The following NELL1 variants were observed in gnomAD, a reference collection of about 807,000 sequenced individuals.
NELL1 encodes neural EGFL like 1.
Under a neutral mutation model 107.4 loss-of-function variants are expected in NELL1, and 76 were observed. The ratio of observed to expected loss-of-function variants is 0.71; its 90% confidence interval spans 0.59 to 0.86. The LOEUF (loss-of-function observed/expected upper bound fraction) is 0.86, where lower values mean the gene tolerates loss of function less well. Ranked by LOEUF, NELL1 falls within the 40% of genes least tolerant of loss-of-function variation. NELL1 has a pLI of 0.00. For missense variants in NELL1, 1,024 were observed against 1,005.5 expected, an observed-to-expected ratio of 1.02 and a Z score of -0.25; for synonymous variants, 353 against 341.2, an observed-to-expected ratio of 1.03 and a Z score of -0.38.
At chr11:21,363,087 C>T (rs1437791626) in intron 14 of NELL1, among the ~76,000 whole-genome samples, 1 of 152,170 alleles carries the variant, frequency 6.6e-6, no homozygotes, top group Admixed American at 6.5e-5. Context: ...TCTACAGATG[C>T]TCCCACATCC....
chr11:21,185,441 C>T (rs1856914842), intron 13 of NELL1, among the ~76,000 whole-genome samples: 1 of 151,188 alleles, frequency 6.6e-6, no homozygotes, highest in Non-Finnish European at 1.5e-5. Flanking sequence ...ATTACAGGTG[C>T]CCGCCACCAC....
intron 13 of NELL1, among the ~76,000 whole-genome samples, chr11:21,205,402 G>C (rs1017442466): frequency 6.6e-6 from 1 of 152,190 alleles, no homozygotes; most frequent in African/African-American, 2.4e-5. Context: ...CTGCGGCTTT[G>C]TTTACACCGT....
chr11:21,336,041 A>G (rs1341481250), intron 14 of NELL1, among the ~76,000 whole-genome samples: 2 of 152,146 alleles, frequency 1.3e-5, no homozygotes, highest in Non-Finnish European at 2.9e-5. Flanking sequence ...ACTATTCAAT[A>G]CATATAAAAT....
At chr11:21,067,889 C>T (rs1457976658) in intron 12 of NELL1, among the ~76,000 whole-genome samples, 4 of 151,522 alleles carry the variant, frequency 2.6e-5, no homozygotes, top group Non-Finnish European at 4.4e-5. Flanking sequence ...AAAAATTAGC[C>T]GGGTGTGGTG....
chr11:21,063,295 G>A (rs1853787235), intron 12 of NELL1, among the ~76,000 whole-genome samples: 1 of 152,124 alleles, frequency 6.6e-6, no homozygotes, highest in Admixed American at 6.5e-5. Flanking sequence ...ACACTGAGGT[G>A]TTCACCAACC....
intron 15 of NELL1, among the ~76,000 whole-genome samples, chr11:21,461,361 A>G (rs1853896043): frequency 2.0e-5 from 3 of 152,208 alleles, no homozygotes; most frequent in Middle Eastern, 3.4e-3. Context: ...AAAGGTTCTG[A>G]GCAGTTCGAT....
chr11:20,752,164 C>CATT (rs200000655), intron 2 of NELL1, among the ~76,000 whole-genome samples: 5,235 of 63,156 alleles, frequency 0.083, 295 homozygotes, highest in African/African-American at 0.18. Flanking sequence ...TTCAATATTT[C>CATT]ATCAAGTCTG....
chr11:21,188,915 A>G (rs768470049), intron 13 of NELL1, among the ~76,000 whole-genome samples: 1 of 151,880 alleles, frequency 6.6e-6, no homozygotes, highest in Non-Finnish European at 1.5e-5. Context: ...AATCCTATCA[A>G]ATCTTAACAT....
chr11:21,201,469 T>A (rs973498081), intron 13 of NELL1, among the ~76,000 whole-genome samples: 20 of 152,242 alleles, frequency 1.3e-4, no homozygotes, highest in African/African-American at 4.8e-4. Context: ...TTTTTGCACA[T>A]TGATTTTATA....
chr11:21,282,197 T>A (rs192156453), intron 14 of NELL1, among the ~76,000 whole-genome samples: 293 of 152,130 alleles, frequency 1.9e-3, no homozygotes, highest in African/African-American at 6.6e-3. Flanking sequence ...AAGATCTGAA[T>A]AGACGTTTCT....
At position 20,906,587 on chromosome 11, in the gene NELL1, C is replaced by T. The variant is rs78652834; in HGVS notation, c.604-11595C>T. ...GTATCTCTTATGAATGTAGAGGCAA[C>T]ATTTCTCAACAAAATACAAATGAAC... On this transcript the variant is annotated intron_variant, in intron 5 of 19. Transcript: ENST00000357134. 2.3e-3 allele frequency among the ~76,000 whole-genome samples: 350 copies of T among 152,112 alleles called. 5 individuals carry two copies. Among genetic ancestry groups the T allele is most frequent in the African/African-American group, 7.8e-3 (323 of 41,544 alleles).
intron 8 of NELL1, among the ~76,000 whole-genome samples, chr11:20,928,162 T>C (rs1483782038): frequency 6.6e-6 from 1 of 152,188 alleles, no homozygotes; most frequent in Non-Finnish European, 1.5e-5. Flanking sequence ...GCAGGTAGGA[T>C]GAAACCAGTG....
chr11:21,111,015 C>G (rs891538370), intron 12 of NELL1, among the ~76,000 whole-genome samples: 3 of 152,108 alleles, frequency 2.0e-5, no homozygotes, highest in Admixed American at 1.3e-4. Flanking sequence ...ATACGCAAAG[C>G]TCCTTTTTGT....
chr11:21,569,151 C>T (rs905689410), intron 17 of NELL1, among the ~76,000 whole-genome samples: 6 of 151,632 alleles, frequency 4.0e-5, no homozygotes, highest in Admixed American at 2.0e-4. Flanking sequence ...TTATATAAGA[C>T]CACCTTTTGT....
chr11:21,007,724 CA>C, intron 12 of NELL1, among the ~76,000 whole-genome samples: 1 of 152,148 alleles, frequency 6.6e-6, no homozygotes, highest in East Asian at 1.9e-4. Context: ...TATGACTTAA[CA>C]GTGAGTAATT....
At chr11:20,766,827 C>T (rs143797715) in intron 2 of NELL1, among the ~76,000 whole-genome samples, 2 of 151,862 alleles carry the variant, frequency 1.3e-5, no homozygotes, top group East Asian at 1.9e-4. Flanking sequence ...ACTGCTGCCT[C>T]TGCCTCTTGG....
intron 12 of NELL1, among the ~76,000 whole-genome samples, chr11:20,984,545 A>G (rs1300306632): frequency 6.6e-6 from 1 of 152,038 alleles, no homozygotes; most frequent in African/African-American, 2.4e-5. Context: ...CATCCTTCCA[A>G]TCCCCACTTA....
chr11:21,119,701 T>C (rs148060013), intron 13 of NELL1, among the ~76,000 whole-genome samples: 2 of 152,098 alleles, frequency 1.3e-5, no homozygotes, highest in African/African-American at 4.8e-5. Context: ...GCTCTTGCTC[T>C]TTTATGAATT....
chr11:21,146,763 C>T (rs1855987459), intron 13 of NELL1, among the ~76,000 whole-genome samples: 1 of 152,034 alleles, frequency 6.6e-6, no homozygotes, highest in Non-Finnish European at 1.5e-5. Flanking sequence ...ATCACTTTGG[C>T]CGGGTGCGGT....
Sources: allele counts gnomAD v4.1 joint callset (sites outside exome capture counted in the v4.1 genomes callset), GRCh38; gene constraint gnomAD v4.1.1; transcripts MANE v1.5; gene names NCBI Gene and HGNC (gene_info 2026-07-23, HGNC 2026-07-21).